BRSK1: variants seen among roughly 807,000 people sequenced by gnomAD.
BRSK1 encodes the protein serine/threonine-protein kinase BRSK1.
In BRSK1, 17 loss-of-function variants were observed where a neutral mutation model predicts 86.2. The ratio of observed to expected loss-of-function variants is 0.20; its 90% confidence interval spans 0.14 to 0.30. The LOEUF is 0.30. Ranked by LOEUF, BRSK1 falls within the 10% of genes least tolerant of loss-of-function variation. The pLI, the probability that BRSK1 is intolerant of heterozygous loss-of-function variation, is 1.00. For synonymous variants in BRSK1, 464 were observed against 440.1 expected, an observed-to-expected ratio of 1.05 and a Z score of -0.68; for missense variants, 719 against 1,071.9, an observed-to-expected ratio of 0.67 and a Z score of 4.60.
At chr19:55,295,737 C>T (rs954520118) in intron 7 of BRSK1, among the ~76,000 whole-genome samples, 4 of 152,176 alleles carry the variant, frequency 2.6e-5, no homozygotes, top group East Asian at 1.9e-4. Context: ...GGAGGCCGAG[C>T]GGAGGCAGAT....
intron 7 of BRSK1, among the ~76,000 whole-genome samples, chr19:55,298,410 G>A (rs919364418): frequency 6.6e-6 from 1 of 151,844 alleles, no homozygotes; most frequent in Admixed American, 6.6e-5. Flanking sequence ...GACCTCAAGT[G>A]ATCTGCCCAC....
At chr19:55,289,082 G>A (rs2088366393) in intron 3 of BRSK1, among the ~76,000 whole-genome samples, 1 of 152,102 alleles carries the variant, frequency 6.6e-6, no homozygotes, top group Non-Finnish European at 1.5e-5. Flanking sequence ...CACTTCCCAG[G>A]GTCCTATAAG....
At chr19:55,286,708 T>C (rs2088322604) in intron 1 of BRSK1, among the ~76,000 whole-genome samples, 1 of 147,644 alleles carries the variant, frequency 6.8e-6, no homozygotes, top group Non-Finnish European at 1.5e-5. Flanking sequence ...GAGGAAAGAA[T>C]GCGTGGCAGG....
chr19:55,289,367 A>G (rs1167165159), intron 3 of BRSK1, 113 bp from the exon 4 acceptor site: 16 of 1,263,090 alleles, frequency 1.3e-5, no homozygotes, highest in Non-Finnish European at 1.6e-5. Flanking sequence ...CTTTCTCCCA[A>G]GGATCATGGG....
intron 4 of BRSK1, among the ~76,000 whole-genome samples, chr19:55,291,833 A>C (rs577684763): frequency 1.3e-5 from 2 of 152,270 alleles, no homozygotes. Context: ...ATCTCAGCTC[A>C]CTGCAACCTC....
chr19:55,305,738 G>T lies in BRSK1; in HGVS notation c.1890+152G>T, dbSNP rs2088640859. On this transcript the variant is annotated intron_variant, in intron 16 of 18. Transcript: ENST00000309383. ...GCCAGAGTTGGTTAGAAGTCGGTAG[G>T]CAGGAAAGATTTATCGTGGCCAGAG... 1.4e-5 allele frequency: 18 copies of T among 1,249,566 alleles called. No individual in the cohort carries two copies. In the South Asian group the frequency reaches 2.4e-4, roughly 17 times the overall value. 77.4% of individuals were successfully genotyped at this position (1,249,566 alleles called of 1,614,324 possible).
In BRSK1 at chr19:55,287,167, G is replaced by T. The variant is rs973482708; in HGVS notation, c.232-47G>T. The T allele has an allele frequency of 6.2e-7, 1 of 1,612,214 alleles. No homozygotes were observed. The highest frequency in any genetic ancestry group is 1.7e-5 in the Admixed American group (1 of 60,002). Reference sequence around the variant, plus strand: ...CTCCGGGGCTGAGGGCAGGGGCGGGGCCGTGCTGACCTCTTTTCCCGTGTC... The same window carrying T: ...CTCCGGGGCTGAGGGCAGGGGCGGGTCCGTGCTGACCTCTTTTCCCGTGTC... On this transcript the variant is annotated intron_variant, in intron 2 of 18. Coordinates refer to ENST00000309383, the MANE Select transcript of BRSK1 (RefSeq NM_032430.2). The surrounding 1 kb of genome is among the most constrained non-coding windows in gnomAD (Gnocchi z 5.3).
intron 7 of BRSK1, among the ~76,000 whole-genome samples, chr19:55,298,442 G>C (rs1288890979): frequency 6.6e-6 from 1 of 152,070 alleles, no homozygotes; most frequent in Non-Finnish European, 1.5e-5. Flanking sequence ...AAAGTGCTGG[G>C]ATTACAGGCA....
intron 17 of BRSK1, among the ~76,000 whole-genome samples, chr19:55,308,059 C>T (rs1452336829): frequency 6.9e-6 from 1 of 144,416 alleles, no homozygotes; most frequent in African/African-American, 2.6e-5. Context: ...CTTGCTCTGT[C>T]GTCCAGGCTG....
At chr19:55,288,877 G>A (rs1251894742) in intron 3 of BRSK1, among the ~76,000 whole-genome samples, 1 of 152,194 alleles carries the variant, frequency 6.6e-6, no homozygotes, top group Admixed American at 6.5e-5. Flanking sequence ...AAGCCACCGT[G>A]TCTGGCCAGA....
intron 18 of BRSK1, among the ~76,000 whole-genome samples, chr19:55,309,911 C>T (rs2088744688): frequency 6.6e-6 from 1 of 152,186 alleles, no homozygotes; most frequent in Admixed American, 6.6e-5. Context: ...CAGCCGTCTG[C>T]TCTGAGGGGA....
At chr19:55,289,402 G>A in intron 3 of BRSK1, 78 bp from the exon 4 acceptor site, 1 of 1,498,010 alleles carries the variant, frequency 6.7e-7, no homozygotes, top group Non-Finnish European at 9.0e-7. Flanking sequence ...GCCACCAGGA[G>A]CCAGTGGAAG....
At chr19:55,292,715 TC>T (rs1284626619) in intron 4 of BRSK1, among the ~76,000 whole-genome samples, 5 of 151,354 alleles carry the variant, frequency 3.3e-5, no homozygotes, top group Non-Finnish European at 7.4e-5. Flanking sequence ...ATGCCTATAA[TC>T]CCAGCTACTC....
chr19:55,300,764 G>C (rs2088559250), intron 7 of BRSK1, among the ~76,000 whole-genome samples: 1 of 152,180 alleles, frequency 6.6e-6, no homozygotes, highest in Non-Finnish European at 1.5e-5. Context: ...GCTTGAACCT[G>C]GGAGAGGCAG....
chr19:55,298,868 G>T (rs1245330341), intron 7 of BRSK1, among the ~76,000 whole-genome samples: 1 of 152,188 alleles, frequency 6.6e-6, no homozygotes, highest in East Asian at 1.9e-4. Context: ...CCTCTGATGG[G>T]CATGCTTTGT....
rs573743119 is a variant in BRSK1, at chr19:55,302,499, G to A, written c.858-198G>A. The A allele has an allele frequency of 8.6e-6, 6 of 699,076 alleles. No individual in the cohort carries two copies. Among genetic ancestry groups the A allele is most frequent in the South Asian group, 1.9e-5 (1 of 51,388 alleles). 43.3% of individuals were successfully genotyped at this position (699,076 alleles called of 1,614,324 possible). A position where few individuals can be genotyped will look rare whatever the true frequency, so the allele number is the denominator to read the frequency against. ...GGCCGGGGGCCTGGACCCCTCGGTC[G>A]GAGGGAAAAGGGGCTGGAGGTCTGG... On this transcript the variant is annotated intron_variant, in intron 9 of 18. Coordinates refer to ENST00000309383, the MANE Select transcript of BRSK1 (RefSeq NM_032430.2). This position sits in a 1 kb window ranked among gnomAD's most constrained non-coding sequence, Gnocchi z 6.3.
chr19:55,298,178 T>G lies in BRSK1; in HGVS notation c.679-3334T>G, dbSNP rs1399193488. Among the ~76,000 whole-genome samples the G allele has an allele frequency of 8.6e-5, 13 of 151,548 alleles. No individual in the cohort carries two copies. The East Asian group carries it at 2.3e-3, about 27-fold the overall frequency. On this transcript the variant is annotated intron_variant, in intron 7 of 18. Transcript: ENST00000309383. Reference sequence around the variant, plus strand: ...CTGGCACAATGCTTGATGATTATTATTAGTAGTTTATTCTTTTTTTTTTGT... The same window carrying G: ...CTGGCACAATGCTTGATGATTATTAGTAGTAGTTTATTCTTTTTTTTTTGT...
intron 7 of BRSK1, among the ~76,000 whole-genome samples, chr19:55,300,027 G>A (rs996157246): frequency 1.3e-5 from 2 of 152,088 alleles, no homozygotes; most frequent in African/African-American, 2.4e-5. Flanking sequence ...CTCCCGTCCC[G>A]TATGATACGT....
chr19:55,284,609 G>C, intron 1 of BRSK1, 31 bp downstream of exon 1: 1 of 1,270,062 alleles, frequency 7.9e-7, no homozygotes. Context: ...CACCTGGGGC[G>C]GGGGGCAGGG....
Sources: gnomAD v4.1 joint callset for allele counts (sites outside exome capture counted in the v4.1 genomes callset) on GRCh38, gnomAD v4.1.1 for gene constraint, Gnocchi (gnomAD v3.1) non-coding constraint, MANE v1.5 for transcripts, NCBI Gene and HGNC (gene_info 2026-07-23, HGNC 2026-07-21) for gene names.